Variants in LUZP2 observed in about 807,000 individuals in gnomAD.
LUZP2 encodes leucine zipper protein 2.
LUZP2 carries 52 observed loss-of-function variants against 51.6 expected under a neutral mutation model. The ratio of observed to expected loss-of-function variants is 1.01; its 90% CI spans 0.81 to 1.27. The LOEUF (loss-of-function observed/expected upper bound fraction) is 1.27, where lower values mean the gene tolerates loss of function less well. Among genes scored for constraint, LUZP2 ranks in the 50% most tolerant of loss-of-function variants. The probability of loss-of-function intolerance (pLI) is 0.00; values close to 1 mark genes in which losing one functional copy is unlikely to be tolerated. For missense variants in LUZP2, 436 were observed against 395.4 expected (o/e 1.10, Z -0.87); for synonymous variants, 154 against 137.3 (o/e 1.12, Z -0.85).
intron 7 of LUZP2, among the ~76,000 whole-genome samples, chr11:24,970,940 T>C (rs987498346): frequency 6.6e-6 from 1 of 152,194 alleles, no homozygotes; most frequent in African/African-American, 2.4e-5. Flanking sequence ...ATGTGGTACA[T>C]ATACACCACG....
chr11:24,934,464 T>C (rs1464225253), intron 7 of LUZP2, among the ~76,000 whole-genome samples: 1 of 152,196 alleles, frequency 6.6e-6, no homozygotes, highest in East Asian at 1.9e-4. Context: ...GAAAACTGAA[T>C]GTGTTCCATA....
chr11:24,627,781 G>A (rs1004382756), intron 1 of LUZP2, among the ~76,000 whole-genome samples: 4 of 152,110 alleles, frequency 2.6e-5, no homozygotes, highest in African/African-American at 4.8e-5. Flanking sequence ...ACAAGGTCAT[G>A]CCACATATGA....
intron 5 of LUZP2, among the ~76,000 whole-genome samples, chr11:24,831,143 A>G (rs1850692010): frequency 6.6e-6 from 1 of 152,252 alleles, no homozygotes; most frequent in African/African-American, 2.4e-5. Flanking sequence ...CTGACTATCT[A>G]GCAGTTATCG....
At chr11:24,943,923 T>C (rs1349724127) in intron 7 of LUZP2, among the ~76,000 whole-genome samples, 1 of 151,504 alleles carries the variant, frequency 6.6e-6, no homozygotes, top group Non-Finnish European at 1.5e-5. Flanking sequence ...GTCTATTAAG[T>C]GTCTCACTTG....
chr11:24,878,911 C>T (rs1184214997), intron 5 of LUZP2, among the ~76,000 whole-genome samples: 1 of 151,946 alleles, frequency 6.6e-6, no homozygotes, highest in Non-Finnish European at 1.5e-5. Flanking sequence ...AGGATGATAG[C>T]TTCCAGCTTC....
At chr11:24,774,782 A>ATG in intron 5 of LUZP2, among the ~76,000 whole-genome samples, 1 of 92,454 alleles carries the variant, frequency 1.1e-5, no homozygotes, top group Non-Finnish European at 1.9e-5. Flanking sequence ...TATATATAGA[A>ATG]TATATTCTAT....
chr11:24,912,726 C>T (rs185936037), intron 6 of LUZP2, among the ~76,000 whole-genome samples: 18 of 152,204 alleles, frequency 1.2e-4, no homozygotes, highest in African/African-American at 3.9e-4. Flanking sequence ...AGGAGAATTG[C>T]TTGAACCAAG....
rs541140715 is a variant in LUZP2, at chr11:24,627,241, G to A, written c.63-101928G>A. On this transcript the variant is annotated intron_variant, in intron 1 of 11. Transcript: ENST00000336930. ...ATACCTCAAAGCAGACATAGGCAAA[G>A]GTTTGTTAAATATATCCTAAGTCAA... Among the ~76,000 whole-genome samples, 3 of 152,208 alleles carry A rather than the reference G, an allele frequency of 2.0e-5. No homozygotes were observed. The East Asian group carries it at 5.8e-4, about 29-fold the overall frequency.
intron 5 of LUZP2, among the ~76,000 whole-genome samples, chr11:24,837,217 A>T (rs562576729): frequency 8.7e-4 from 132 of 151,888 alleles, no homozygotes; most frequent in African/African-American, 3.0e-3. Flanking sequence ...ACAGGAATAA[A>T]CATATAAAAT....
chr11:24,686,686 C>T (rs1044368475), intron 1 of LUZP2, among the ~76,000 whole-genome samples: 14 of 152,064 alleles, frequency 9.2e-5, no homozygotes, highest in East Asian at 1.9e-4. Flanking sequence ...CTCATGCTTG[C>T]GTCTATTTCT....
intron 5 of LUZP2, among the ~76,000 whole-genome samples, chr11:24,866,575 A>C (rs954250539): frequency 1.3e-5 from 2 of 152,190 alleles, no homozygotes; most frequent in African/African-American, 4.8e-5. Context: ...GAAATGTGGT[A>C]GAAAAAGGTG....
At chr11:24,762,058 G>A (rs911553601) in intron 4 of LUZP2, among the ~76,000 whole-genome samples, 2 of 148,574 alleles carry the variant, frequency 1.3e-5, no homozygotes, top group African/African-American at 5.0e-5. Context: ...ATTCATATCT[G>A]GTTAATGTGT....
At chr11:24,860,777 G>T (rs958052120) in intron 5 of LUZP2, among the ~76,000 whole-genome samples, 1 of 151,780 alleles carries the variant, frequency 6.6e-6, no homozygotes, top group African/African-American at 2.4e-5. Context: ...ACAACAAAAG[G>T]CCCCCCCAAA....
At chr11:24,784,458 C>G (rs981895146) in intron 5 of LUZP2, among the ~76,000 whole-genome samples, 1 of 151,914 alleles carries the variant, frequency 6.6e-6, no homozygotes, top group Non-Finnish European at 1.5e-5. Flanking sequence ...TGTAAATACT[C>G]TTTTCTTCCA....
At chr11:24,826,616 C>T (rs1156973374) in intron 5 of LUZP2, among the ~76,000 whole-genome samples, 1 of 150,768 alleles carries the variant, frequency 6.6e-6, no homozygotes, top group Non-Finnish European at 1.5e-5. Flanking sequence ...AATAATAAAG[C>T]AAGGCAAACC....
chr11:24,990,799 T>C (rs1856311566), intron 9 of LUZP2, among the ~76,000 whole-genome samples: 1 of 151,990 alleles, frequency 6.6e-6, no homozygotes, highest in African/African-American at 2.4e-5. Flanking sequence ...TACATAATTC[T>C]AGCCTTTTTA....
chr11:24,792,868 C>T (rs954278244), intron 5 of LUZP2, among the ~76,000 whole-genome samples: 1 of 152,146 alleles, frequency 6.6e-6, no homozygotes, highest in Non-Finnish European at 1.5e-5. Context: ...AAGATGTACA[C>T]GAGCTGGAAT....
At chr11:24,972,139 G>A (rs1373101372) in intron 7 of LUZP2, among the ~76,000 whole-genome samples, 65 of 32,798 alleles carry the variant, frequency 2.0e-3, no homozygotes, top group East Asian at 6.0e-3. Flanking sequence ...GTGAGACTCC[G>A]AAAAAAAAAA....
intron 9 of LUZP2, among the ~76,000 whole-genome samples, chr11:24,998,279 A>C (rs991863970): frequency 6.6e-6 from 1 of 151,992 alleles, no homozygotes; most frequent in African/African-American, 2.4e-5. Flanking sequence ...ATTTGTTTGT[A>C]TCCTCTTTTA....
Sources: allele counts gnomAD v4.1 joint callset (sites outside exome capture counted in the v4.1 genomes callset), GRCh38; gene constraint gnomAD v4.1.1; transcripts MANE v1.5; gene names NCBI Gene and HGNC (gene_info 2026-07-23, HGNC 2026-07-21).